The following ERBB4 variants were observed in gnomAD, a reference collection of about 807,000 sequenced individuals.
ERBB4 encodes erb-b2 receptor tyrosine kinase 4.
In ERBB4, 42 loss-of-function variants were observed where a neutral mutation model predicts 158.0. The observed-to-expected ratio is 0.27, with a 90% CI of 0.21 to 0.34. ERBB4 has a LOEUF of 0.34. Among genes scored for constraint, ERBB4 ranks in the 10% least tolerant of loss-of-function variants. The pLI, the probability that ERBB4 is intolerant of heterozygous loss-of-function variation, is 1.00. For missense variants in ERBB4, 1,333 were observed against 1,624.1 expected (o/e 0.82, Z 3.08); for synonymous variants, 583 against 558.7 (o/e 1.04, Z -0.61).
chr2:211,478,957 C>T (rs2125543193), intron 20 of ERBB4, among the ~76,000 whole-genome samples: 1 of 152,228 alleles, frequency 6.6e-6, no homozygotes. Context: ...GGTTTCGTCT[C>T]TCTAATCACT....
intron 20 of ERBB4, among the ~76,000 whole-genome samples, chr2:211,482,183 A>T (rs2125550201): frequency 6.6e-6 from 1 of 152,348 alleles, no homozygotes; most frequent in South Asian, 2.1e-4. Flanking sequence ...AGGATTCACT[A>T]GAATACCGAT....
At chr2:211,710,712 A>G (rs7599724) in intron 9 of ERBB4, among the ~76,000 whole-genome samples, 32,989 of 151,762 alleles carry the variant, frequency 0.22, 4,024 homozygotes, top group Non-Finnish European at 0.27. Flanking sequence ...CGCTGTTCTC[A>G]TGATAGTGAA....
intron 1 of ERBB4, among the ~76,000 whole-genome samples, chr2:212,266,325 G>A (rs1451527003): frequency 4.0e-5 from 6 of 151,886 alleles, no homozygotes; most frequent in Non-Finnish European, 8.8e-5. Flanking sequence ...TCTATCCTGA[G>A]GCAGAAGAGC....
chr2:211,645,466 A>C (rs539781629), intron 16 of ERBB4, among the ~76,000 whole-genome samples: 1 of 151,886 alleles, frequency 6.6e-6, no homozygotes, highest in South Asian at 2.1e-4. Context: ...ATGATGTTGA[A>C]ATATTACAGA....
chr2:211,932,306 T>A (rs938565054), intron 3 of ERBB4, among the ~76,000 whole-genome samples: 1 of 151,996 alleles, frequency 6.6e-6, no homozygotes, highest in Non-Finnish European at 1.5e-5. Flanking sequence ...TATGCGTAAG[T>A]CTTAGAGTGT....
rs76594251 is a variant in ERBB4 at position 211,431,375 on chromosome 2, C to G, written c.2488-275G>C. Reference sequence around the variant, plus strand: ...TTATTTTTCCAAGTGACTTGATATCCTTTTGCAAACTCTTTCTTTAGTGAG... The same window carrying G: ...TTATTTTTCCAAGTGACTTGATATCGTTTTGCAAACTCTTTCTTTAGTGAG... On this transcript the variant is annotated intron_variant, in intron 20 of 27. Coordinates refer to ENST00000342788, the MANE Select transcript of ERBB4 (RefSeq NM_005235.3). 2.0e-3 allele frequency among the ~76,000 whole-genome samples: 307 copies of G among 152,192 alleles called. 3 individuals are homozygous for G. The highest frequency in any genetic ancestry group is 7.2e-3 in the African/African-American group (300 of 41,534).
intron 1 of ERBB4, among the ~76,000 whole-genome samples, chr2:212,307,427 T>C (rs1295210263): frequency 6.6e-6 from 1 of 151,242 alleles, no homozygotes; most frequent in African/African-American, 2.4e-5. Flanking sequence ...GCAATAGTAC[T>C]TTGAATTGCA....
At chr2:211,863,869 T>A (rs2078134282) in intron 3 of ERBB4, among the ~76,000 whole-genome samples, 1 of 152,226 alleles carries the variant, frequency 6.6e-6, no homozygotes, top group Non-Finnish European at 1.5e-5. Context: ...GGTTTCTGTG[T>A]ATTCAGTGGA....
At position 211,977,663 on chromosome 2, in the gene ERBB4, C is replaced by A. The variant is rs1414825117; in HGVS notation, c.235-30047G>T. Among the ~76,000 whole-genome samples, 6 of 150,488 alleles carry A rather than the reference C, an allele frequency of 4.0e-5. No individual in the cohort carries two copies. In the East Asian group the frequency reaches 9.9e-4, roughly 25 times the overall value. ...ACCAGCCTGGCCAAAATGGTGAAAC[C>A]CCATCTCTACTAAAAATACAAAAAA... On this transcript the variant is annotated intron_variant, in intron 2 of 27. Transcript: ENST00000342788.
At chr2:212,038,595 CT>C (rs1425750047) in intron 2 of ERBB4, among the ~76,000 whole-genome samples, 1 of 151,976 alleles carries the variant, frequency 6.6e-6, no homozygotes, top group African/African-American at 2.4e-5. Context: ...CTCGTTGATT[CT>C]TTTTTTCTCC....
chr2:212,095,015 T>G (rs111927105), intron 2 of ERBB4, among the ~76,000 whole-genome samples: 21 of 152,352 alleles, frequency 1.4e-4, no homozygotes, highest in African/African-American at 5.1e-4. Context: ...TGTTTTTTTT[T>G]CTTTTCTACG....
intron 2 of ERBB4, among the ~76,000 whole-genome samples, chr2:212,038,357 T>C (rs2077062807): frequency 6.6e-6 from 1 of 152,086 alleles, no homozygotes; most frequent in Admixed American, 6.6e-5. Context: ...AACTTTATAA[T>C]TCTAGTCAAA....
At position 212,191,677 on chromosome 2, in the gene ERBB4, T is replaced by C. The variant is rs560992716; in HGVS notation, c.83-66774A>G. 2.5e-4 allele frequency among the ~76,000 whole-genome samples: 25 copies of C among 99,672 alleles called. 2 individuals are homozygous for C. Among genetic ancestry groups the C allele is most frequent in the Non-Finnish European group, 2.9e-4 (13 of 45,384 alleles). 65.4% of individuals were successfully genotyped at this position (99,672 alleles called of 152,430 possible). On this transcript the variant is annotated intron_variant, in intron 1 of 27. Coordinates refer to ENST00000342788, the MANE Select transcript of ERBB4 (RefSeq NM_005235.3). The stretch of plus-strand genomic sequence containing the variant: ...TGCGTTATACATGTCATATATCGCG[T>C]GTGTTATACATGTTACATATAACAC...
intron 2 of ERBB4, among the ~76,000 whole-genome samples, chr2:211,993,693 A>AT (rs1287580096): frequency 6.6e-6 from 1 of 151,786 alleles, no homozygotes; most frequent in Non-Finnish European, 1.5e-5. Flanking sequence ...TTGGTATGAC[A>AT]TTTTTGCCCC....
chr2:212,030,473 A>G (rs113930736), intron 2 of ERBB4, among the ~76,000 whole-genome samples: 21 of 152,240 alleles, frequency 1.4e-4, no homozygotes, highest in African/African-American at 5.1e-4. Flanking sequence ...CTAAGAGACA[A>G]TGTTGTCTTA....
At chr2:211,401,927 C>A (rs1446275447) in intron 25 of ERBB4, among the ~76,000 whole-genome samples, 1 of 151,300 alleles carries the variant, frequency 6.6e-6, no homozygotes, top group African/African-American at 2.4e-5. Flanking sequence ...CACTATGTCA[C>A]AATTATAATA....
At chr2:212,286,594 C>CTTGTTTTTTTTTTTGTTTTT (rs760466245) in intron 1 of ERBB4, among the ~76,000 whole-genome samples, 1 of 55,540 alleles carries the variant, frequency 1.8e-5, no homozygotes, top group Non-Finnish European at 3.6e-5. Flanking sequence ...TAAGTGCTGA[C>CTTGTTTTTTTTTTTGTTTTT]TTTTTTTTTT....
At chr2:211,555,877 C>A (rs1222864512) in intron 20 of ERBB4, among the ~76,000 whole-genome samples, 1 of 152,140 alleles carries the variant, frequency 6.6e-6, no homozygotes. Context: ...CACTGAAGTA[C>A]ACAGATCAGT....
intron 2 of ERBB4, among the ~76,000 whole-genome samples, chr2:211,976,887 A>G (rs1157786084): frequency 2.0e-5 from 3 of 152,224 alleles, no homozygotes. Context: ...AAACAGACTG[A>G]AGGAGTAAGA....
Sources: allele counts gnomAD v4.1 joint callset (sites outside exome capture counted in the v4.1 genomes callset), GRCh38; gene constraint gnomAD v4.1.1; transcripts MANE v1.5; gene names NCBI Gene and HGNC (gene_info 2026-07-23, HGNC 2026-07-21).